The following UNC5D variants were observed in gnomAD, a reference collection of about 807,000 sequenced individuals.
UNC5D encodes the protein netrin receptor UNC5D.
Under a neutral mutation model 105.4 loss-of-function variants are expected in UNC5D, and 39 were observed. The observed-to-expected ratio is 0.37, with a 90% CI of 0.29 to 0.48. The LOEUF (loss-of-function observed/expected upper bound fraction) is 0.48, where lower values mean the gene tolerates loss of function less well. Ranked by LOEUF, UNC5D falls within the 20% of genes least tolerant of loss-of-function variation. The probability of loss-of-function intolerance (pLI) is 0.98; values close to 1 mark genes in which losing one functional copy is unlikely to be tolerated. For synonymous variants in UNC5D, 452 were observed against 450.4 expected, an observed-to-expected ratio of 1.00 and a Z score of -0.04; for missense variants, 991 against 1,202.4, an observed-to-expected ratio of 0.82 and a Z score of 2.60.
chr8:35,254,465 G>A (rs141103215), intron 1 of UNC5D: 131 of 152,232 alleles, frequency 8.6e-4, no homozygotes, highest in African/African-American at 3.0e-3. Flanking sequence ...GTCCAGAAGT[G>A]TAAAGCAATA....
chr8:35,396,404 G>A (rs543098998), intron 1 of UNC5D, among the ~76,000 whole-genome samples: 213 of 152,214 alleles, frequency 1.4e-3, no homozygotes, highest in Non-Finnish European at 2.5e-3. Context: ...GGCGCACCTC[G>A]TTCCCCCAGC....
At chr8:35,572,848 GGCTGGAGT>G (rs1817833257) in intron 3 of UNC5D, among the ~76,000 whole-genome samples, 1 of 146,810 alleles carries the variant, frequency 6.8e-6, no homozygotes. Flanking sequence ...CTGTCGCCCA[GGCTGGAGT>G]GCAGTGGTGC....
intron 1 of UNC5D, among the ~76,000 whole-genome samples, chr8:35,387,684 G>A (rs1330486948): frequency 2.0e-5 from 3 of 152,154 alleles, no homozygotes; most frequent in African/African-American, 7.2e-5. Context: ...GTTCCTTAAC[G>A]TCTTTGTCTT....
intron 2 of UNC5D, among the ~76,000 whole-genome samples, chr8:35,551,022 G>A (rs1816095250): frequency 1.3e-5 from 2 of 152,326 alleles, no homozygotes; most frequent in East Asian, 1.9e-4. Context: ...CCTCAAATAA[G>A]AGTGTGGAGC....
chr8:35,336,517 G>A (rs1198297584), intron 1 of UNC5D, among the ~76,000 whole-genome samples: 1 of 152,124 alleles, frequency 6.6e-6, no homozygotes, highest in Admixed American at 6.5e-5. Context: ...AGTCTTCAGC[G>A]TGTGACTGGA....
At chr8:35,765,649 A>C (rs1801731733) in intron 14 of UNC5D, among the ~76,000 whole-genome samples, 1 of 152,184 alleles carries the variant, frequency 6.6e-6, no homozygotes, top group Non-Finnish European at 1.5e-5. Context: ...ATTAGGAAGC[A>C]AGGTATCCAA....
intron 15 of UNC5D, among the ~76,000 whole-genome samples, chr8:35,774,044 T>C (rs1439384935): frequency 6.6e-6 from 1 of 152,144 alleles, no homozygotes; most frequent in East Asian, 1.9e-4. Flanking sequence ...CTTTTAATGC[T>C]GGAAGCTAGT....
At chr8:35,301,458 G>A (rs1330748286) in intron 1 of UNC5D, among the ~76,000 whole-genome samples, 1 of 152,162 alleles carries the variant, frequency 6.6e-6, no homozygotes, top group Non-Finnish European at 1.5e-5. Flanking sequence ...GAGGTTTAAA[G>A]AGCTCCATCC....
At chr8:35,600,653 T>G (rs953236352) in intron 4 of UNC5D, among the ~76,000 whole-genome samples, 5 of 152,332 alleles carry the variant, frequency 3.3e-5, no homozygotes, top group African/African-American at 1.2e-4. Flanking sequence ...GTTGTTTGTT[T>G]TTTTCTTGTA....
intron 4 of UNC5D, among the ~76,000 whole-genome samples, chr8:35,597,298 A>G (rs1819548758): frequency 3.9e-5 from 6 of 152,188 alleles, no homozygotes; most frequent in Admixed American, 3.9e-4. Flanking sequence ...AAAATTTTTT[A>G]TTGAATGTCA....
intron 1 of UNC5D, among the ~76,000 whole-genome samples, chr8:35,484,901 T>A (rs889523340): frequency 1.8e-4 from 27 of 152,198 alleles, no homozygotes; most frequent in African/African-American, 5.5e-4. Flanking sequence ...AATATTGATG[T>A]AACAAGCAGA....
chr8:35,763,540 C>T (rs1324852085), intron 14 of UNC5D, among the ~76,000 whole-genome samples: 2 of 148,992 alleles, frequency 1.3e-5, no homozygotes, highest in African/African-American at 5.0e-5. Context: ...ATCTTGAGTA[C>T]GGTTCTTTGT....
intron 1 of UNC5D, among the ~76,000 whole-genome samples, chr8:35,402,533 G>A (rs2128950922): frequency 6.6e-6 from 1 of 152,158 alleles, no homozygotes; most frequent in South Asian, 2.1e-4. Context: ...ACTTGGGTGG[G>A]GACACAGCCA....
At chr8:35,503,867 T>G (rs763275311) in intron 1 of UNC5D, among the ~76,000 whole-genome samples, 10 of 152,168 alleles carry the variant, frequency 6.6e-5, no homozygotes, top group Non-Finnish European at 1.3e-4. Flanking sequence ...AGAACATTAA[T>G]TATAGTTACC....
chr8:35,551,235 TAAC>T (rs1294447558), intron 2 of UNC5D, among the ~76,000 whole-genome samples: 1 of 152,104 alleles, frequency 6.6e-6, no homozygotes, highest in African/African-American at 2.4e-5. Flanking sequence ...GCTACAGAAA[TAAC>T]AACCAGAATA....
intron 1 of UNC5D, among the ~76,000 whole-genome samples, chr8:35,374,850 T>A (rs1802608145): frequency 6.6e-6 from 1 of 152,228 alleles, no homozygotes; most frequent in African/African-American, 2.4e-5. Flanking sequence ...TCTGAGATTC[T>A]TTGGGGCTCT....
chr8:35,691,749 T>G (rs776438377), intron 7 of UNC5D, among the ~76,000 whole-genome samples: 73 of 152,276 alleles, frequency 4.8e-4, no homozygotes, highest in Admixed American at 2.9e-3. Context: ...TTGCTGTACA[T>G]ACCTGCGTTT....
chr8:35,270,156 T>A (rs569552504), intron 1 of UNC5D, among the ~76,000 whole-genome samples: 1 of 152,316 alleles, frequency 6.6e-6, no homozygotes, highest in South Asian at 2.1e-4. Flanking sequence ...TAGCTCAGTG[T>A]CGAGCCATAA....
chr8:35,421,800 GCTAGT>G (rs1345422943), intron 1 of UNC5D, among the ~76,000 whole-genome samples: 1 of 152,008 alleles, frequency 6.6e-6, no homozygotes, highest in African/African-American at 2.4e-5. Context: ...ATTACTCTTG[GCTAGT>G]CTAAACTTTT....
Sources: allele counts gnomAD v4.1 joint callset (sites outside exome capture counted in the v4.1 genomes callset), GRCh38; gene constraint gnomAD v4.1.1; transcripts MANE v1.5; gene names NCBI Gene and HGNC (gene_info 2026-07-23, HGNC 2026-07-21).